Variants in PRKN observed in about 807,000 individuals in gnomAD.
PRKN encodes parkin RBR E3 ubiquitin protein ligase, also known as E3 ubiquitin-protein ligase parkin.
Under a neutral mutation model 59.5 loss-of-function variants are expected in PRKN, and 56 were observed. That is an observed-to-expected ratio of 0.94 (90% CI 0.76 to 1.18). PRKN has a LOEUF of 1.18. Ranked by LOEUF, PRKN falls within the 50% of genes most tolerant of loss-of-function variation. The pLI is 0.00. For missense variants in PRKN, 657 were observed against 596.4 expected (o/e 1.10, Z -1.06); for synonymous variants, 250 against 222.1 (o/e 1.13, Z -1.12).
chr6:162,540,930 C>A (rs1449313377), intron 1 of PRKN, among the ~76,000 whole-genome samples: 4 of 152,144 alleles, frequency 2.6e-5, no homozygotes, highest in African/African-American at 9.7e-5. Context: ...TCATTGATGT[C>A]TACATGTCTA....
chr6:162,713,384 C>A (rs1326644491), intron 1 of PRKN, among the ~76,000 whole-genome samples: 2 of 150,628 alleles, frequency 1.3e-5, no homozygotes, highest in African/African-American at 2.5e-5. Context: ...GTCCCAGCTA[C>A]TCGGGAGGCT....
intron 4 of PRKN, among the ~76,000 whole-genome samples, chr6:162,060,422 A>G (rs1778052288): frequency 6.6e-6 from 1 of 152,242 alleles, no homozygotes; most frequent in Admixed American, 6.5e-5. Context: ...CGTGAAGCAA[A>G]TATTACCTAA....
chr6:161,739,503 A>C (rs1788102608), intron 7 of PRKN, among the ~76,000 whole-genome samples: 1 of 152,156 alleles, frequency 6.6e-6, no homozygotes, highest in Admixed American at 6.5e-5. Context: ...CAATATAAAA[A>C]CTGAAGAGGT....
At chr6:161,692,433 C>G (rs895025034) in intron 7 of PRKN, among the ~76,000 whole-genome samples, 3 of 152,166 alleles carry the variant, frequency 2.0e-5, no homozygotes, top group Non-Finnish European at 4.4e-5. Flanking sequence ...CTCTTTACCT[C>G]GAAAACTTGA....
intron 7 of PRKN, among the ~76,000 whole-genome samples, chr6:161,699,117 G>A (rs1786142631): frequency 6.6e-6 from 1 of 152,078 alleles, no homozygotes; most frequent in East Asian, 1.9e-4. Context: ...TGGCAAATGA[G>A]CACATGAAAA....
intron 7 of PRKN, among the ~76,000 whole-genome samples, chr6:161,771,629 ATAT>A (rs1372059298): frequency 6.6e-6 from 1 of 152,166 alleles, no homozygotes; most frequent in Non-Finnish European, 1.5e-5. Context: ...AATATAAGAA[ATAT>A]TATTTTTTCC....
intron 6 of PRKN, among the ~76,000 whole-genome samples, chr6:161,864,806 A>ACCG (rs1163342648): frequency 4.0e-5 from 6 of 149,968 alleles, no homozygotes; most frequent in Non-Finnish European, 8.9e-5. Context: ...ACAGTCGCCC[A>ACCG]CCACACCTGG....
intron 7 of PRKN, among the ~76,000 whole-genome samples, chr6:161,697,749 T>C (rs1478488746): frequency 2.6e-5 from 4 of 152,184 alleles, no homozygotes; most frequent in Non-Finnish European, 5.9e-5. Context: ...CCATGACCTT[T>C]AAGTTGAAAA....
In PRKN at chr6:162,476,846, C is replaced by T. The variant is rs539137981; in HGVS notation, c.8-33373G>A. Among the ~76,000 whole-genome samples, 21 of 152,278 alleles carry T rather than the reference C, an allele frequency of 1.4e-4. 1 individual carries two copies. The highest frequency in any genetic ancestry group is 4.6e-4 in the African/African-American group (19 of 41,558). On this transcript the variant is annotated intron_variant, in intron 1 of 11. Transcript: ENST00000366898. ...CACCTAGAGTTCTCCTCATCGTGTA[C>T]ATAAGCAAAGGGAAGGGAGAGAGAG...
In PRKN at chr6:161,413,018, C is replaced by G. The variant is rs1787659576; in HGVS notation, c.1084-26141G>C. 1.3e-5 allele frequency among the ~76,000 whole-genome samples: 2 copies of G among 152,234 alleles called. No individual in the cohort carries two copies. The highest frequency in any genetic ancestry group is 2.9e-5 in the Non-Finnish European group (2 of 68,042). ...CAGAGACAGGCTCTGTCTGCTCTTGCCTGCCTTCCTGACTGCTGGACTAGA... is the reference window on the plus strand; with the variant it reads ...CAGAGACAGGCTCTGTCTGCTCTTGGCTGCCTTCCTGACTGCTGGACTAGA... On this transcript the variant is annotated intron_variant, in intron 9 of 11. Coordinates refer to ENST00000366898, the MANE Select transcript of PRKN (RefSeq NM_004562.3). The surrounding 1 kb of genome is among the most constrained non-coding windows in gnomAD (Gnocchi z 4.4).
At chr6:161,408,484 T>A (rs1787381037) in intron 9 of PRKN, among the ~76,000 whole-genome samples, 1 of 100,896 alleles carries the variant, frequency 9.9e-6, no homozygotes, top group Non-Finnish European at 2.2e-5. Context: ...AGGTTTTCCT[T>A]TTTTTTTTTT....
At chr6:162,408,495 C>T (rs146316447) in intron 2 of PRKN, among the ~76,000 whole-genome samples, 1 of 152,240 alleles carries the variant, frequency 6.6e-6, no homozygotes, top group African/African-American at 2.4e-5. Context: ...GGGTACATCT[C>T]TAAAGCAGAA....
At chr6:162,033,316 G>C (rs1230185076) in intron 5 of PRKN, among the ~76,000 whole-genome samples, 2 of 152,194 alleles carry the variant, frequency 1.3e-5, no homozygotes. Flanking sequence ...CAGGAAACTG[G>C]AAGAGGAGTT....
chr6:162,045,608 T>C (rs2128283136), intron 5 of PRKN, among the ~76,000 whole-genome samples: 1 of 152,350 alleles, frequency 6.6e-6, no homozygotes, highest in Admixed American at 6.5e-5. Flanking sequence ...GCCACATATA[T>C]CTTAAAAACT....
intron 7 of PRKN, among the ~76,000 whole-genome samples, chr6:161,759,225 A>G (rs1789086425): frequency 6.6e-6 from 1 of 152,066 alleles, no homozygotes; most frequent in South Asian, 2.1e-4. Context: ...TTTCAAAGAC[A>G]TCAAAATTCC....
intron 4 of PRKN, among the ~76,000 whole-genome samples, chr6:162,162,263 T>C (rs750184791): frequency 3.3e-5 from 5 of 152,330 alleles, no homozygotes; most frequent in Non-Finnish European, 5.9e-5. Context: ...TCACCGCACC[T>C]GACCTTACAT....
intron 1 of PRKN, among the ~76,000 whole-genome samples, chr6:162,682,456 C>T (rs1779807451): frequency 6.6e-6 from 1 of 152,116 alleles, no homozygotes; most frequent in African/African-American, 2.4e-5. Flanking sequence ...TTTGAAGCAA[C>T]ATGCATGCAG....
At chr6:162,660,880 TA>T (rs1778850014) in intron 1 of PRKN, among the ~76,000 whole-genome samples, 1 of 152,296 alleles carries the variant, frequency 6.6e-6, no homozygotes, top group East Asian at 1.9e-4. Context: ...CTGGGCTGGG[TA>T]CTCAAGATGT....
At position 162,179,424 on chromosome 6, in the gene PRKN, A is replaced by G. The variant is rs56955167; in HGVS notation, c.534+21707T>C. Among the ~76,000 whole-genome samples, 879 of 152,214 alleles carry G rather than the reference A, an allele frequency of 5.8e-3. 12 individuals are homozygous for G. Among genetic ancestry groups the G allele is most frequent in the African/African-American group, 0.02 (847 of 41,534 alleles). On this transcript the variant is annotated intron_variant, in intron 4 of 11. Transcript: ENST00000366898. ...GGTTTTGGAACCTGCAGTTTGCACC[A>G]TGGCTCTCCTGACTGCAGAGCCACC...
Sources: allele counts gnomAD v4.1 joint callset (sites outside exome capture counted in the v4.1 genomes callset), GRCh38; gene constraint gnomAD v4.1.1; non-coding constraint Gnocchi (gnomAD v3.1); transcripts MANE v1.5; gene names NCBI Gene and HGNC (gene_info 2026-07-23, HGNC 2026-07-21).